Variants in UBR4 observed in about 807,000 individuals in gnomAD.
The protein encoded by UBR4 is ubiquitin protein ligase E3 component n-recognin 4.
A neutral mutation model predicts 575.6 loss-of-function variants in UBR4; 124 were observed. The observed-to-expected ratio is 0.22, with a 90% CI of 0.19 to 0.25. The LOEUF is 0.25. Among genes scored for constraint, UBR4 ranks in the 10% least tolerant of loss-of-function variants. The pLI, the probability that UBR4 is intolerant of heterozygous loss-of-function variation, is 1.00. For synonymous variants in UBR4, 2,455 were observed against 2,473.7 expected (o/e 0.99, Z 0.22); for missense variants, 4,818 against 6,478.8 (o/e 0.74, Z 8.80).
chr1:19,198,694 A>T lies in UBR4; in HGVS notation c.509-14T>A. 6.2e-7 allele frequency: 1 copy of T among 1,613,498 alleles called. No homozygotes were observed. The highest frequency in any genetic ancestry group is 8.5e-7 in the Non-Finnish European group (1 of 1,179,548). On this transcript the variant is annotated splice_polypyrimidine_tract_variant and intron_variant, in intron 4 of 105. Coordinates refer to ENST00000375254, the MANE Select transcript of UBR4 (RefSeq NM_020765.3). ...TCTGATCTTCCACTGTAAAATACAA[A>T]GGCAAAAAAAAGGGCTGAGGAAAGT...
At chr1:19,111,644 C>T (rs909823721) in intron 78 of UBR4, 4 of 140,782 alleles carry the variant, frequency 2.8e-5, no homozygotes, top group Admixed American at 7.4e-5. Flanking sequence ...TTTTTTGAGA[C>T]GGAGTCTCGC....
chr1:19,100,465 C>A lies in UBR4; in HGVS notation c.13132G>T (p.Gly4378Cys). The A allele has an allele frequency of 6.2e-7, 1 of 1,614,164 alleles. No homozygotes were observed. The highest frequency in any genetic ancestry group is 1.7e-5 in the Admixed American group (1 of 60,032). The change falls in exon 89 of 106, where the codon GGC (glycine) becomes TGC (cysteine). Residue 4378 changes from glycine (G) to cysteine (C), a missense_variant. Transcript: ENST00000375254. The surrounding 1 kb of genome is among the most constrained non-coding windows in gnomAD (Gnocchi z 4.2). Reference sequence around the variant, plus strand: ...ATATCCCTCATCAGCGGCCCGATGCCTGGCTCATTGCTGCTATACGGGTTC... The same window carrying A: ...ATATCCCTCATCAGCGGCCCGATGCATGGCTCATTGCTGCTATACGGGTTC... Reference protein sequence around the residue: ...PGNPYSSNEPGIGPLMRDIKN... With the variant: ...PGNPYSSNEPCIGPLMRDIKN...
rs1291935065 is a variant in UBR4, at chr1:19,074,916, G to T, written c.15488-20C>A. The T allele has an allele frequency of 6.2e-7, 1 of 1,613,338 alleles. No homozygotes were observed. The highest frequency in any genetic ancestry group is 2.2e-5 in the East Asian group (1 of 44,854). On this transcript the variant is annotated intron_variant, in intron 105 of 105. Coordinates refer to ENST00000375254, the MANE Select transcript of UBR4 (RefSeq NM_020765.3). ...AAAGACCTGCAAAGCACAACGGGCA[G>T]AGGTGTGTCAGGAGCAGGCATACAG...
chr1:19,092,409 C>A (rs1169977776), intron 97 of UBR4, among the ~76,000 whole-genome samples: 1 of 151,598 alleles, frequency 6.6e-6, no homozygotes, highest in East Asian at 1.9e-4. Context: ...TAACGCTCAG[C>A]CCTGTGGGGA....
Position 19,143,982 on chromosome 1 carries a change from A to G in UBR4, c.8177T>C (p.Met2726Thr). ...CCTAAACCCAGACCTCATATTACCC[A>G]TTGGAGTGTTGCTTCGAGGGGAAGA... The part of the protein sequence containing the change: ...LPSSPRSNTP[M>T]GDKDDDDDDD... Residue 2726 changes from methionine (M) to threonine (T), a missense_variant and splice_region_variant, in exon 55 of 106, where the codon ATG becomes ACG. Physicochemically the swap from Met to Thr is moderately conservative, Grantham distance 81 (BLOSUM62 -1). This residue lies in a region of UBR4 where 129 missense variants were observed against 198.4 expected (regional missense o/e 0.65). Transcript: ENST00000375254. 6.2e-7 allele frequency: 1 copy of G among 1,613,174 alleles called. No homozygotes were observed. The highest frequency in any genetic ancestry group is 8.5e-7 in the Non-Finnish European group (1 of 1,179,388).
Position 19,153,939 on chromosome 1 carries a change from A to G in UBR4, c.6459T>C (p.Ser2153=). ...GAGAAGTCTTACTGCCACCATTGGA[A>G]CTGCAGACAACAAAACTGGCCACAG... ...VLQLFPINIK[S]SNGGSKTSPA... The change falls in exon 45 of 106, where the codon AGT becomes AGC. Residue 2153 remains serine, a splice_region_variant and synonymous_variant. Transcript: ENST00000375254. This position sits in a 1 kb window ranked among gnomAD's most constrained non-coding sequence, Gnocchi z 4.1. 1 of 1,612,640 alleles carries G rather than the reference A, an allele frequency of 6.2e-7. No homozygotes were observed. Among genetic ancestry groups the G allele is most frequent in the South Asian group, 1.1e-5 (1 of 90,756 alleles).
chr1:19,115,968 T>C (rs1274326345), intron 73 of UBR4, among the ~76,000 whole-genome samples: 1 of 152,164 alleles, frequency 6.6e-6, no homozygotes, highest in Non-Finnish European at 1.5e-5. Flanking sequence ...GCAATGATGA[T>C]GCATGCCAAG....
At chr1:19,198,448 AT>A in intron 5 of UBR4, 92 bp downstream of exon 5, 1 of 1,466,620 alleles carries the variant, frequency 6.8e-7, no homozygotes, top group Non-Finnish European at 9.2e-7. Flanking sequence ...ATCATTTTAT[AT>A]CACAAACATA....
intron 8 of UBR4, among the ~76,000 whole-genome samples, chr1:19,195,626 T>C (rs1233377958): frequency 6.6e-6 from 1 of 152,112 alleles, no homozygotes; most frequent in Non-Finnish European, 1.5e-5. Flanking sequence ...TACTGGAAAT[T>C]AGCTATGAGA....
At chr1:19,101,339 G>A (rs765002116) in intron 88 of UBR4, among the ~76,000 whole-genome samples, 181 bp downstream of exon 88, 32 of 152,156 alleles carry the variant, frequency 2.1e-4, no homozygotes, top group Non-Finnish European at 4.3e-4. Context: ...ATGTCCCATC[G>A]TTAGCAAGAG....
intron 60 of UBR4, among the ~76,000 whole-genome samples, chr1:19,132,605 T>TAAAAAAAAAAAAAA: frequency 2.5e-4 from 6 of 24,092 alleles, no homozygotes; most frequent in Non-Finnish European, 4.6e-4. Flanking sequence ...TAAAAAATGG[T>TAAAAAAAAAAAAAA]AAAAAAAAAA....
chr1:19,100,529 A>T lies in UBR4; in HGVS notation c.13068T>A (p.Asp4356Glu). Reference protein sequence around the residue: ...VTEFFVTLEKDPQQEDFLQGR... With the variant: ...VTEFFVTLEKEPQQEDFLQGR... ...CCTGTAAGAAGTCTTCTTGTTGGGG[A>T]TCCTTCTCCAGGGTCACAAAGAACT... The change falls in exon 89 of 106, where the codon GAT (aspartate) becomes GAA (glutamate). Residue 4356 changes from aspartate (D) to glutamate (E), a missense_variant. Asp to Glu is a conservative substitution (Grantham distance 45). This residue lies in a region of UBR4 where 105 missense variants were observed against 232.8 expected (regional missense o/e 0.45). Coordinates refer to ENST00000375254, the MANE Select transcript of UBR4 (RefSeq NM_020765.3). This position sits in a 1 kb window ranked among gnomAD's most constrained non-coding sequence, Gnocchi z 4.2. 1 of 1,613,862 alleles carries T rather than the reference A, an allele frequency of 6.2e-7. No homozygotes were observed. Among genetic ancestry groups the T allele is most frequent in the African/African-American group, 1.3e-5 (1 of 74,930 alleles).
At chr1:19,113,918 C>A in intron 76 of UBR4, 27 bp downstream of exon 76, 1 of 1,614,230 alleles carries the variant, frequency 6.2e-7, no homozygotes, top group Non-Finnish European at 8.5e-7. Context: ...AGCCCTTATC[C>A]AAATGCCCTT....
intron 57 of UBR4, 35 bp from the exon 58 acceptor site, chr1:19,140,927 C>CTGG (rs1376550259): frequency 1.3e-6 from 2 of 1,570,312 alleles, no homozygotes; most frequent in African/African-American, 2.7e-5. Context: ...ACAACATCCC[C>CTGG]TCCAGGTCCC....
intron 60 of UBR4, among the ~76,000 whole-genome samples, chr1:19,130,704 G>A (rs113362773): frequency 9.2e-4 from 140 of 152,320 alleles, no homozygotes; most frequent in African/African-American, 3.1e-3. Flanking sequence ...CAAGGTACAA[G>A]TGAGGAAAGG....
In UBR4 at chr1:19,106,948, G is replaced by A; in HGVS notation, c.12124C>T (p.Leu4042Phe). Residue 4042 changes from leucine to phenylalanine, a missense_variant, in exon 82 of 106, where the codon CTC becomes TTC. By Grantham distance (22) the Leu-to-Phe change is conservative. This residue lies in a region of UBR4 where 333 missense variants were observed against 459.2 expected (regional missense o/e 0.73). Coordinates refer to ENST00000375254, the MANE Select transcript of UBR4 (RefSeq NM_020765.3). ...TTGCAGTATGGCTTCACCGTGGTGA[G>A]GGCCTCAACGGGGACATCCTGGAGG... is the stretch of plus-strand genomic sequence containing the variant. Reference protein sequence around the residue: ...KKNKDVPVEALTTVKPYCNEI... With the variant: ...KKNKDVPVEAFTTVKPYCNEI... 6.2e-7 allele frequency: 1 copy of A among 1,612,280 alleles called. No individual in the cohort carries two copies. Among genetic ancestry groups the A allele is most frequent in the Non-Finnish European group, 8.5e-7 (1 of 1,179,936 alleles).
intron 39 of UBR4, 135 bp from the exon 40 acceptor site, chr1:19,158,132 G>T: frequency 3.7e-6 from 3 of 811,402 alleles, no homozygotes; most frequent in Non-Finnish European, 5.8e-6. Context: ...TCCAAACCGT[G>T]GATGGCTGTG....
In UBR4 at chr1:19,129,055, T is replaced by A; in HGVS notation, c.8926A>T (p.Met2976Leu). The change falls in exon 61 of 106, where the codon ATG becomes TTG. Residue 2976 changes from methionine to leucine, a missense_variant. Physicochemically the swap from Met to Leu is conservative, Grantham distance 15. This residue lies in a region of UBR4 where 87 missense variants were observed against 82.8 expected (regional missense o/e 1.05). Transcript: ENST00000375254. Reference sequence around the variant, plus strand: ...GTCTGCAGTAATCTCTCCAACAGCATTAGACGGACCATGTGCAGCCTAAAA... The same window carrying A: ...GTCTGCAGTAATCTCTCCAACAGCAATAGACGGACCATGTGCAGCCTAAAA... Reference protein sequence around the residue: ...TSNRLHMVRLMLLERLLQTLP... With the variant: ...TSNRLHMVRLLLLERLLQTLP... 3.7e-6 allele frequency: 6 copies of A among 1,613,980 alleles called. No individual in the cohort carries two copies. In the South Asian group the frequency reaches 5.5e-5, roughly 15 times the overall value.
rs759598997 is a variant in UBR4 at position 19,112,654 on chromosome 1, C to A, written c.11671G>T (p.Ala3891Ser). Residue 3891 changes from alanine (A) to serine (S), a missense_variant, in exon 78 of 106, where the codon GCC (alanine) becomes TCC (serine). Physicochemically the swap from Ala to Ser is moderately conservative, Grantham distance 99 (BLOSUM62 1). This residue lies in a region of UBR4 where 333 missense variants were observed against 459.2 expected (regional missense o/e 0.73). Transcript: ENST00000375254. Reference sequence around the variant, plus strand: ...ATGTGCCTCAAGGCTGGGTTGGTGGCCAGGGCCCGAAGTAGTGTGATACAA... The same window carrying A: ...ATGTGCCTCAAGGCTGGGTTGGTGGACAGGGCCCGAAGTAGTGTGATACAA... ...EHCITLLRALATNPALRHILV... is the reference protein window; with the variant it reads ...EHCITLLRALSTNPALRHILV... 1.2e-6 allele frequency: 2 copies of A among 1,614,244 alleles called. No individual in the cohort carries two copies. Among genetic ancestry groups the A allele is most frequent in the Non-Finnish European group, 1.7e-6 (2 of 1,180,042 alleles).
Sources: gnomAD v4.1 joint callset for allele counts (sites outside exome capture counted in the v4.1 genomes callset) on GRCh38, gnomAD v4.1.1 for gene constraint, gnomAD v4.1.1 regional missense constraint, Gnocchi (gnomAD v3.1) non-coding constraint, MANE v1.5 for transcripts, NCBI Gene and HGNC (gene_info 2026-07-23, HGNC 2026-07-21) for gene names.